PHEX: variants seen among roughly 807,000 people sequenced by gnomAD.
PHEX encodes the protein phosphate regulating endopeptidase X-linked, also known as phosphate-regulating neutral endopeptidase PHEX.
Under a neutral mutation model 68.0 loss-of-function variants are expected in PHEX, and 16 were observed. The ratio of observed to expected loss-of-function variants is 0.24; its 90% confidence interval spans 0.16 to 0.36. PHEX has a LOEUF of 0.36. Among genes scored for constraint, PHEX ranks in the 10% least tolerant of loss-of-function variants. The pLI is 1.00. For missense variants in PHEX, 480 were observed against 575.5 expected, an observed-to-expected ratio of 0.83 and a Z score of 1.70; for synonymous variants, 208 against 205.1, an observed-to-expected ratio of 1.01 and a Z score of -0.12.
chrX:22,195,121 C>G (rs1260891104), intron 15 of PHEX, among the ~76,000 whole-genome samples: 3 of 111,431 alleles, frequency 2.7e-5, no homozygotes, highest in African/African-American at 9.8e-5. Flanking sequence ...CTATCTAGCC[C>G]ATAGGGTTTT....
chrX:22,097,531 A>G lies in PHEX; in HGVS notation c.933+493A>G, dbSNP rs192867149. Among the ~76,000 whole-genome samples the G allele has an allele frequency of 2.1e-4, 23 of 111,740 alleles. No individual in the cohort carries two copies. In the East Asian group the frequency reaches 2.5e-3, roughly 12 times the overall value. On this transcript the variant is annotated intron_variant, in intron 8 of 21. Transcript: ENST00000379374. ...GGAAAAACAAACAAGCCTTTCCAGA[A>G]CATCTCCAGATGTCTTCCCTTTATT...
At chrX:22,153,410 C>T (rs990517186) in intron 12 of PHEX, among the ~76,000 whole-genome samples, 2 of 112,081 alleles carry the variant, frequency 1.8e-5, no homozygotes, top group Non-Finnish European at 3.8e-5. Context: ...TTGTTCATGG[C>T]GCTACTTGGA....
At chrX:22,057,839 TAAAG>T (rs1928184290) in intron 3 of PHEX, among the ~76,000 whole-genome samples, 2 of 111,470 alleles carry the variant, frequency 1.8e-5, no homozygotes, top group Admixed American at 1.9e-4. Context: ...AAATACTTCC[TAAAG>T]AAAGGAAGAA....
intron 15 of PHEX, among the ~76,000 whole-genome samples, chrX:22,202,194 A>T (rs778610852): frequency 2.0e-4 from 22 of 112,360 alleles, no homozygotes; most frequent in Non-Finnish European, 3.8e-4. Context: ...ACATTGTAAC[A>T]TGAATATTTT....
intron 16 of PHEX, among the ~76,000 whole-genome samples, chrX:22,217,682 A>AAGAT (rs1935136515): frequency 8.9e-6 from 1 of 111,793 alleles, no homozygotes; most frequent in Non-Finnish European, 1.9e-5. Context: ...TGACTAAATT[A>AAGAT]AGATACATAC....
At chrX:22,239,696 G>T (rs1224716387) in intron 20 of PHEX, among the ~76,000 whole-genome samples, 1 of 111,131 alleles carries the variant, frequency 9.0e-6, no homozygotes, top group Non-Finnish European at 1.9e-5. Flanking sequence ...AGAGAAAAAA[G>T]AGTTAAAAGA....
intron 3 of PHEX, among the ~76,000 whole-genome samples, chrX:22,076,163 A>G (rs1337547777): frequency 8.9e-6 from 1 of 112,430 alleles, no homozygotes; most frequent in Non-Finnish European, 1.9e-5. Flanking sequence ...GTTTCTTTTG[A>G]GTTAGGAGTA....
intron 3 of PHEX, among the ~76,000 whole-genome samples, chrX:22,063,684 T>G (rs1456866846): frequency 8.9e-6 from 1 of 112,512 alleles, no homozygotes; most frequent in African/African-American, 3.2e-5. Context: ...ACCCTGGATA[T>G]GAAACCCAAT....
At chrX:22,056,340 AT>A (rs963539951) in intron 3 of PHEX, among the ~76,000 whole-genome samples, 12 of 107,721 alleles carry the variant, frequency 1.1e-4, no homozygotes, top group Admixed American at 9.0e-4. Context: ...TAAGGATCAC[AT>A]TTTTTTTTTC....
intron 12 of PHEX, among the ~76,000 whole-genome samples, chrX:22,157,093 G>A (rs1196635697): frequency 9.0e-6 from 1 of 111,674 alleles, no homozygotes; most frequent in Non-Finnish European, 1.9e-5. Context: ...ATGTTGGCCA[G>A]GCTGGTCTGG....
chrX:22,221,633 G>A lies in PHEX; in HGVS notation c.1789G>A (p.Gly597Arg). Reference protein sequence around the residue: ...DNNGRKYDKNGNLDPWWSTES... With the variant: ...DNNGRKYDKNRNLDPWWSTES... ...GCTAGGTAGAAAATATGATAAAAAT[G>A]GAAACCTGGATCCTTGGTGGTCTAC... The change falls in exon 18 of 22, where the codon GGA (glycine) becomes AGA (arginine). Residue 597 changes from glycine (G) to arginine (R), a missense_variant. Transcript: ENST00000379374. 8.3e-7 allele frequency: 1 copy of A among 1,202,332 alleles called. No individual in the cohort carries two copies. Among genetic ancestry groups the A allele is most frequent in the Non-Finnish European group, 1.1e-6 (1 of 886,990 alleles).
At chrX:22,170,363 G>A (rs962294440) in intron 13 of PHEX, among the ~76,000 whole-genome samples, 2 of 110,937 alleles carry the variant, frequency 1.8e-5, no homozygotes, top group African/African-American at 3.3e-5. Flanking sequence ...AATAGGGACC[G>A]TGGAGTCAAA....
rs1930417412 is a variant in PHEX, at chrX:22,101,376, A to G, written c.1079+2225A>G. On this transcript the variant is annotated intron_variant, in intron 9 of 21. Coordinates refer to ENST00000379374, the MANE Select transcript of PHEX (RefSeq NM_000444.6). ...TTTTCATTGATGATCGTGTTTAATC[A>G]CCACTCGTGTAGCATTACAGGGCTA... Among the ~76,000 whole-genome samples, 3 of 111,751 alleles carry G rather than the reference A, an allele frequency of 2.7e-5. No individual in the cohort carries two copies. In the South Asian group the frequency reaches 1.1e-3, roughly 42 times the overall value.
At chrX:22,104,761 G>A (rs1930600725) in intron 9 of PHEX, among the ~76,000 whole-genome samples, 1 of 111,078 alleles carries the variant, frequency 9.0e-6, no homozygotes, top group African/African-American at 3.3e-5. Flanking sequence ...AGTAAGAGTG[G>A]GAGGAGGAGA....
rs144579610 is a variant in PHEX at position 22,117,470 on chromosome X, G to A, written c.1302+2884G>A. On this transcript the variant is annotated intron_variant, in intron 11 of 21. Coordinates refer to ENST00000379374, the MANE Select transcript of PHEX (RefSeq NM_000444.6). ...TCAAAATACTCAGTATTCTCATTGC[G>A]TGTTTTCTTTTGCTCTTTGGTCAGA... Among the ~76,000 whole-genome samples the A allele has an allele frequency of 7.8e-3, 866 of 111,496 alleles. 10 individuals carry two copies. Among genetic ancestry groups the A allele is most frequent in the African/African-American group, 0.027 (819 of 30,682 alleles).
At chrX:22,152,154 T>C (rs1346310460) in intron 12 of PHEX, among the ~76,000 whole-genome samples, 1 of 111,270 alleles carries the variant, frequency 9.0e-6, no homozygotes. Flanking sequence ...AGGTGAGAAG[T>C]TGGTTTTGGC....
chrX:22,087,680 T>C (rs923797823), intron 5 of PHEX, among the ~76,000 whole-genome samples: 1 of 111,841 alleles, frequency 8.9e-6, no homozygotes, highest in Non-Finnish European at 1.9e-5. Context: ...TATAAACTAA[T>C]GGTATGGGCA....
intron 2 of PHEX, among the ~76,000 whole-genome samples, chrX:22,044,841 C>T (rs1927450139): frequency 9.0e-6 from 1 of 110,797 alleles, no homozygotes; most frequent in African/African-American, 3.3e-5. Context: ...ATTTATCAAA[C>T]TTCTAAGTCT....
intron 3 of PHEX, among the ~76,000 whole-genome samples, chrX:22,075,038 C>G (rs1929085340): frequency 9.8e-6 from 1 of 102,141 alleles, no homozygotes; most frequent in South Asian, 4.5e-4. Flanking sequence ...GATCCTGCCA[C>G]TGCACTCCAG....
Sources: gnomAD v4.1 joint callset for allele counts (sites outside exome capture counted in the v4.1 genomes callset) on GRCh38, gnomAD v4.1.1 for gene constraint, MANE v1.5 for transcripts, NCBI Gene and HGNC (gene_info 2026-07-23, HGNC 2026-07-21) for gene names.